Variants in PREX2 observed in about 807,000 individuals in gnomAD.
PREX2 encodes phosphatidylinositol-3,4,5-trisphosphate dependent Rac exchange factor 2.
In PREX2, 107 loss-of-function variants were observed where a neutral mutation model predicts 203.2. The observed-to-expected ratio is 0.53, with a 90% CI of 0.45 to 0.62. PREX2 has a LOEUF of 0.62. PREX2 is among the 20% of genes least tolerant of loss of function. The pLI, the probability that PREX2 is intolerant of heterozygous loss-of-function variation, is 0.00. For synonymous variants in PREX2, 672 were observed against 663.6 expected (o/e 1.01, Z -0.19); for missense variants, 1,777 against 1,955.9 (o/e 0.91, Z 1.72).
intron 1 of PREX2, among the ~76,000 whole-genome samples, chr8:68,009,122 CT>C (rs1226258154): frequency 2.0e-5 from 3 of 152,118 alleles, no homozygotes; most frequent in Non-Finnish European, 4.4e-5. Context: ...AGCGACAGAT[CT>C]TCAGGTTGGG....
At chr8:68,203,121 A>C (rs1585862413) in intron 37 of PREX2, among the ~76,000 whole-genome samples, 1 of 152,098 alleles carries the variant, frequency 6.6e-6, no homozygotes, top group South Asian at 2.1e-4. Context: ...CATTCTAATC[A>C]AATGCCACAC....
intron 35 of PREX2, among the ~76,000 whole-genome samples, chr8:68,175,858 A>G (rs1004933341): frequency 1.3e-5 from 2 of 151,956 alleles, no homozygotes; most frequent in Non-Finnish European, 2.9e-5. Flanking sequence ...GTATAATGAT[A>G]AATATATATC....
intron 6 of PREX2, among the ~76,000 whole-genome samples, chr8:68,032,239 T>C (rs1807907852): frequency 6.6e-6 from 1 of 152,162 alleles, no homozygotes; most frequent in African/African-American, 2.4e-5. Flanking sequence ...AATTCTGTTG[T>C]GTATTCAGAG....
chr8:67,976,778 C>A (rs1353062053), intron 1 of PREX2, among the ~76,000 whole-genome samples: 4 of 127,420 alleles, frequency 3.1e-5, no homozygotes, highest in African/African-American at 1.1e-4. Flanking sequence ...GAGACAGAGA[C>A]AGAGACAGAG....
chr8:68,016,846 G>C (rs1807421767), intron 1 of PREX2, among the ~76,000 whole-genome samples: 1 of 152,086 alleles, frequency 6.6e-6, no homozygotes, highest in South Asian at 2.1e-4. Context: ...CAAACTCCTG[G>C]CCTTAAGGGA....
chr8:68,070,281 G>C (rs1224406399), intron 13 of PREX2, among the ~76,000 whole-genome samples: 1 of 151,594 alleles, frequency 6.6e-6, no homozygotes, highest in East Asian at 1.9e-4. Flanking sequence ...TATTGAATAT[G>C]TATTTTATTT....
intron 35 of PREX2, 128 bp downstream of exon 35, chr8:68,157,564 T>G (rs947147990): frequency 2.0e-6 from 1 of 489,330 alleles, no homozygotes; most frequent in Non-Finnish European, 3.7e-6. Flanking sequence ...ATTCCTCGGA[T>G]TTAGGGTTTA....
intron 35 of PREX2, among the ~76,000 whole-genome samples, chr8:68,163,527 G>C (rs551068843): frequency 1.3e-5 from 2 of 152,304 alleles, no homozygotes; most frequent in East Asian, 1.9e-4. Context: ...TTTTAATTTA[G>C]TGTCTGTTTT....
At chr8:68,106,005 A>T (rs1810402873) in intron 23 of PREX2, 1 of 190,670 alleles carries the variant, frequency 5.2e-6, no homozygotes, top group African/African-American at 2.4e-5. Flanking sequence ...TGTTGTATAT[A>T]GCAATACTAT....
At chr8:68,218,782 C>T (rs1326865160) in intron 38 of PREX2, among the ~76,000 whole-genome samples, 1 of 152,110 alleles carries the variant, frequency 6.6e-6, no homozygotes, top group African/African-American at 2.4e-5. Flanking sequence ...AGAGCATATA[C>T]ATTGGTACTT....
intron 34 of PREX2, among the ~76,000 whole-genome samples, chr8:68,152,838 T>C (rs1182453032): frequency 1.3e-5 from 2 of 152,184 alleles, no homozygotes; most frequent in Admixed American, 6.5e-5. Flanking sequence ...TCAACTATTG[T>C]CAGTTTCTTG....
intron 33 of PREX2, among the ~76,000 whole-genome samples, chr8:68,139,570 T>G (rs1352645956): frequency 6.6e-5 from 10 of 152,200 alleles, no homozygotes; most frequent in Non-Finnish European, 1.0e-4. Context: ...TGTCTCTGAC[T>G]GCTGTGTTAA....
At position 68,218,072 on chromosome 8, in the gene PREX2, G is replaced by A. The variant is rs549848360; in HGVS notation, c.4707+354G>A. Among the ~76,000 whole-genome samples, 12 of 152,312 alleles carry A rather than the reference G, an allele frequency of 7.9e-5. No homozygotes were observed. In the South Asian group the frequency reaches 2.1e-3, roughly 26 times the overall value. ...AATTGTTAGTGGTAAAGCTTGGGAC[G>A]GAGAGGCACAGCAGCAAGGAAGAAG... On this transcript the variant is annotated intron_variant, in intron 38 of 39. Transcript: ENST00000288368.
chr8:68,105,279 A>T, intron 23 of PREX2: 1 of 1,367,764 alleles, frequency 7.3e-7, no homozygotes. Context: ...TCTCTTAGGA[A>T]TATCCCAGGA....
At chr8:68,101,390 TA>T (rs1454132691) in intron 23 of PREX2, 1 of 518,786 alleles carries the variant, frequency 1.9e-6, no homozygotes, top group Non-Finnish European at 3.8e-6. Context: ...TTGTATCTTT[TA>T]AAAAGTTACT....
At chr8:68,021,276 G>A (rs1310121124) in intron 3 of PREX2, among the ~76,000 whole-genome samples, 2 of 152,102 alleles carry the variant, frequency 1.3e-5, no homozygotes, top group Non-Finnish European at 2.9e-5. Flanking sequence ...ACTGCCTTGC[G>A]ACATCACCTA....
chr8:67,980,942 T>C (rs1224902457), intron 1 of PREX2, among the ~76,000 whole-genome samples: 1 of 152,230 alleles, frequency 6.6e-6, no homozygotes, highest in Non-Finnish European at 1.5e-5. Context: ...AATGGACTAA[T>C]ACAACTGCGC....
intron 37 of PREX2, among the ~76,000 whole-genome samples, chr8:68,207,270 T>C (rs1812648258): frequency 6.6e-6 from 1 of 152,132 alleles, no homozygotes; most frequent in Admixed American, 6.6e-5. Flanking sequence ...TCATATCCCA[T>C]TTAGAAGCCA....
intron 35 of PREX2, among the ~76,000 whole-genome samples, chr8:68,158,400 T>A (rs1031762210): frequency 2.0e-5 from 3 of 152,142 alleles, no homozygotes; most frequent in African/African-American, 7.2e-5. Context: ...TGGGCCAAGC[T>A]TGAGAATTGC....
Sources: gnomAD v4.1 joint callset for allele counts (sites outside exome capture counted in the v4.1 genomes callset) on GRCh38, gnomAD v4.1.1 for gene constraint, MANE v1.5 for transcripts, NCBI Gene and HGNC (gene_info 2026-07-23, HGNC 2026-07-21) for gene names.